ERC2: variants seen among roughly 807,000 people sequenced by gnomAD.
The protein encoded by ERC2 is ERC protein 2.
In ERC2, 42 loss-of-function variants were observed where a neutral mutation model predicts 114.8. That is an observed-to-expected ratio of 0.37 (90% CI 0.29 to 0.47). The LOEUF (loss-of-function observed/expected upper bound fraction) is 0.47, where lower values mean the gene tolerates loss of function less well. Among genes scored for constraint, ERC2 ranks in the 20% least tolerant of loss-of-function variants. The pLI is 0.99. For missense variants in ERC2, 939 were observed against 1,150.7 expected (o/e 0.82, Z 2.66); for synonymous variants, 454 against 425.5 (o/e 1.07, Z -0.82).
intron 17 of ERC2, among the ~76,000 whole-genome samples, chr3:55,515,578 G>A (rs1480172712): frequency 6.7e-6 from 1 of 150,332 alleles, no homozygotes; most frequent in African/African-American, 2.4e-5. Flanking sequence ...GCTCTTTTTG[G>A]ATTTTTTTAA....
At chr3:56,267,867 T>C (rs2053422690) in intron 3 of ERC2, among the ~76,000 whole-genome samples, 1 of 152,162 alleles carries the variant, frequency 6.6e-6, no homozygotes, top group Non-Finnish European at 1.5e-5. Context: ...AGATCTAATG[T>C]TCAGCATGAG....
At chr3:56,381,651 C>A (rs2059756140) in intron 2 of ERC2, among the ~76,000 whole-genome samples, 1 of 142,514 alleles carries the variant, frequency 7.0e-6, no homozygotes, top group Non-Finnish European at 1.5e-5. Context: ...GGAGGGAAAG[C>A]AAAGCAGAGA....
intron 3 of ERC2, among the ~76,000 whole-genome samples, chr3:56,222,637 A>C (rs1560408837): frequency 6.6e-6 from 1 of 152,196 alleles, no homozygotes; most frequent in Non-Finnish European, 1.5e-5. Context: ...CTAGAATGGA[A>C]GGTCAGAGTA....
At chr3:55,888,238 A>G (rs2063442529) in intron 14 of ERC2, 151 bp downstream of exon 14, 3 of 949,456 alleles carry the variant, frequency 3.2e-6, no homozygotes, top group Non-Finnish European at 4.6e-6. Flanking sequence ...CAATTAAAAA[A>G]TAAGAAACAT....
rs554737625 is a variant in ERC2, at chr3:55,510,190, T to A, written c.*1126A>T. 6.6e-6 allele frequency: 1 copy of A among 152,522 alleles called. No individual in the cohort carries two copies. The highest frequency in any genetic ancestry group is 2.4e-5 in the African/African-American group (1 of 41,466). 9.4% of individuals were successfully genotyped at this position (152,522 alleles called of 1,614,324 possible). A position where few individuals can be genotyped will look rare whatever the true frequency, so the allele number is the denominator to read the frequency against. The stretch of plus-strand genomic sequence containing the variant: ...ATATACAGAGACACAGCTTTTGTGA[T>A]TGTTCCTCATTCATCAATGTTTTCA... On this transcript the variant is annotated 3_prime_UTR_variant, in exon 18 of 18. Coordinates refer to ENST00000288221, the MANE Select transcript of ERC2 (RefSeq NM_015576.3).
intron 13 of ERC2, among the ~76,000 whole-genome samples, chr3:55,905,127 CTGCAG>C (rs2064353994): frequency 6.6e-6 from 1 of 152,230 alleles, no homozygotes; most frequent in African/African-American, 2.4e-5. Flanking sequence ...GTTGCCCAAG[CTGCAG>C]TGCAGTGGCT....
intron 15 of ERC2, among the ~76,000 whole-genome samples, chr3:55,709,973 C>T (rs2063691208): frequency 1.3e-5 from 2 of 152,168 alleles, no homozygotes; most frequent in Admixed American, 1.3e-4. Context: ...TGCTCATTAG[C>T]AGTTTTCCAA....
At chr3:55,826,058 G>A (rs1360839120) in intron 14 of ERC2, among the ~76,000 whole-genome samples, 1 of 151,854 alleles carries the variant, frequency 6.6e-6, no homozygotes, top group East Asian at 1.9e-4. Context: ...AGGGAGGGAG[G>A]GAGGACATAT....
intron 6 of ERC2, among the ~76,000 whole-genome samples, chr3:56,100,923 C>T (rs17825219): frequency 0.17 from 26,109 of 152,104 alleles, 2,441 homozygotes; most frequent in African/African-American, 0.23. Flanking sequence ...TAAAAACTCC[C>T]TCTCTTACCT....
chr3:55,899,640 G>C (rs2149341931), intron 13 of ERC2, among the ~76,000 whole-genome samples: 1 of 152,296 alleles, frequency 6.6e-6, no homozygotes, highest in East Asian at 1.9e-4. Context: ...GTAAAGGAAA[G>C]ATGCTCATGA....
chr3:55,875,344 T>G (rs1026172425), intron 14 of ERC2, among the ~76,000 whole-genome samples: 10 of 152,222 alleles, frequency 6.6e-5, no homozygotes, highest in African/African-American at 1.9e-4. Flanking sequence ...TGGCACTGGC[T>G]GCAGTGCACT....
At chr3:55,531,994 C>T (rs1164826791) in intron 17 of ERC2, among the ~76,000 whole-genome samples, 1 of 152,244 alleles carries the variant, frequency 6.6e-6, no homozygotes, top group East Asian at 1.9e-4. Context: ...TTCAGCCTTC[C>T]ATGCTGATAT....
intron 3 of ERC2, among the ~76,000 whole-genome samples, chr3:56,199,889 G>T (rs1437190464): frequency 6.6e-6 from 1 of 152,066 alleles, no homozygotes; most frequent in Non-Finnish European, 1.5e-5. Flanking sequence ...CAGGACACTA[G>T]ATAAGAAGGG....
chr3:56,432,430 G>T (rs1422340367), intron 2 of ERC2, among the ~76,000 whole-genome samples: 1 of 152,104 alleles, frequency 6.6e-6, no homozygotes, highest in East Asian at 1.9e-4. Flanking sequence ...GTACAAACAG[G>T]TTCATAAAGA....
chr3:56,115,852 C>T (rs2079200844), intron 6 of ERC2, among the ~76,000 whole-genome samples: 1 of 152,096 alleles, frequency 6.6e-6, no homozygotes, highest in Admixed American at 6.5e-5. Flanking sequence ...CTCACCCTAC[C>T]ACCTCCTGCA....
chr3:56,398,825 C>T (rs1252494953), intron 2 of ERC2, among the ~76,000 whole-genome samples: 3 of 152,136 alleles, frequency 2.0e-5, no homozygotes, highest in African/African-American at 4.8e-5. Flanking sequence ...TGCTATGCTG[C>T]CCAGGCTAGC....
chr3:56,250,723 C>G (rs1002831509), intron 3 of ERC2, among the ~76,000 whole-genome samples: 3 of 152,106 alleles, frequency 2.0e-5, no homozygotes, highest in Non-Finnish European at 4.4e-5. Context: ...GGTAAACATC[C>G]GTCAGTTGAA....
intron 13 of ERC2, among the ~76,000 whole-genome samples, chr3:55,896,690 G>A (rs1412617286): frequency 6.6e-6 from 1 of 152,140 alleles, no homozygotes; most frequent in East Asian, 1.9e-4. Context: ...TTCCTAAAAG[G>A]TCCTCAAATG....
intron 3 of ERC2, among the ~76,000 whole-genome samples, chr3:56,186,963 C>T (rs993809330): frequency 1.3e-5 from 2 of 152,160 alleles, no homozygotes; most frequent in Non-Finnish European, 2.9e-5. Flanking sequence ...CAAGGACTTC[C>T]ATGCAAGTGG....
Sources: gnomAD v4.1 joint callset for allele counts (sites outside exome capture counted in the v4.1 genomes callset) on GRCh38, gnomAD v4.1.1 for gene constraint, MANE v1.5 for transcripts, NCBI Gene and HGNC (gene_info 2026-07-23, HGNC 2026-07-21) for gene names.